The following PCMTD1 variants were observed in gnomAD, a reference collection of about 807,000 sequenced individuals.
PCMTD1 encodes the protein protein-L-isoaspartate O-methyltransferase domain-containing protein 1.
A neutral mutation model predicts 37.6 loss-of-function variants in PCMTD1; 12 were observed. That is an observed-to-expected ratio of 0.32 (90% CI 0.20 to 0.52). The LOEUF is 0.52. PCMTD1 is among the 20% of genes least tolerant of loss of function. The pLI, the probability that PCMTD1 is intolerant of heterozygous loss-of-function variation, is 0.97. For synonymous variants in PCMTD1, 117 were observed against 135.8 expected (o/e 0.86, Z 0.96); for missense variants, 235 against 421.3 (o/e 0.56, Z 3.87).
At position 51,831,556 on chromosome 8, in the gene PCMTD1, A is replaced by T. The variant is rs2037998528; in HGVS notation, c.594T>A (p.Ile198=). The part of the protein sequence containing the change: ...VMPIEDQLTQ[I]MRTGQNTWES... ...CCCAAGTGTTCTGTCCAGTTCGCAT[A>T]ATCTGTGTTAACTATTTAGAGAAAA... Residue 198 remains isoleucine (I), a synonymous_variant, in exon 5 of 6, where the codon ATT becomes ATA. Coordinates refer to ENST00000522514, the MANE Select transcript of PCMTD1 (RefSeq NM_052937.4). 1 of 1,611,800 alleles carries T rather than the reference A, an allele frequency of 6.2e-7. No homozygotes were observed. The highest frequency in any genetic ancestry group is 1.3e-5 in the African/African-American group (1 of 74,870).
At chr8:51,852,840 G>A (rs901681605) in intron 2 of PCMTD1, among the ~76,000 whole-genome samples, 1 of 152,176 alleles carries the variant, frequency 6.6e-6, no homozygotes, top group Non-Finnish European at 1.5e-5. Context: ...AAACAGAGGA[G>A]AAAGAAGAGA....
chr8:51,872,466 G>A (rs2038652644), intron 1 of PCMTD1, among the ~76,000 whole-genome samples: 1 of 152,118 alleles, frequency 6.6e-6, no homozygotes, highest in African/African-American at 2.4e-5. Flanking sequence ...GGGAACTGCA[G>A]CCTAGAAAAA....
chr8:51,833,496 A>C (rs2038025454), intron 4 of PCMTD1, 22 bp downstream of exon 4: 1 of 1,581,538 alleles, frequency 6.3e-7, no homozygotes, highest in African/African-American at 1.4e-5. Context: ...AGGCCACTAA[A>C]GAAAAGGAGA....
At chr8:51,844,337 T>C (rs10504129) in intron 3 of PCMTD1, among the ~76,000 whole-genome samples, 6,533 of 152,202 alleles carry the variant, frequency 0.043, 462 homozygotes, top group African/African-American at 0.14. Flanking sequence ...TACAGGATGG[T>C]GCTCAGTAAA....
intron 2 of PCMTD1, 107 bp from the exon 3 acceptor site, chr8:51,845,870 T>C (rs1392696271): frequency 6.1e-6 from 4 of 660,862 alleles, no homozygotes; most frequent in Non-Finnish European, 1.0e-5. Flanking sequence ...TAAAGATGGC[T>C]TGAAATATGC....
intron 1 of PCMTD1, among the ~76,000 whole-genome samples, chr8:51,882,637 G>A (rs1374804797): frequency 2.6e-5 from 4 of 152,038 alleles, no homozygotes; most frequent in African/African-American, 7.2e-5. Context: ...CTGCTAATGA[G>A]TAACTGAGTG....
intron 1 of PCMTD1, among the ~76,000 whole-genome samples, chr8:51,862,207 C>A (rs771190971): frequency 6.6e-6 from 1 of 152,150 alleles, no homozygotes; most frequent in African/African-American, 2.4e-5. Flanking sequence ...AAACACTGAA[C>A]ATAAAATGCA....
chr8:51,891,658 TAAAA>T (rs967672114), intron 1 of PCMTD1, among the ~76,000 whole-genome samples: 8 of 133,278 alleles, frequency 6.0e-5, no homozygotes, highest in Non-Finnish European at 3.2e-5. Flanking sequence ...TGCCACTAGT[TAAAA>T]AAAAAAACAA....
intron 1 of PCMTD1, among the ~76,000 whole-genome samples, chr8:51,875,960 GTC>G (rs566355247): frequency 0.13 from 15,062 of 113,814 alleles, 957 homozygotes; most frequent in Middle Eastern, 0.2. Flanking sequence ...GTGTGTGTGT[GTC>G]TGTGTGTGTG....
chr8:51,879,938 C>A (rs948442501), intron 1 of PCMTD1, among the ~76,000 whole-genome samples: 1 of 151,876 alleles, frequency 6.6e-6, no homozygotes, highest in African/African-American at 2.4e-5. Flanking sequence ...ATCCCAGAAC[C>A]TTGGAATGCC....
intron 1 of PCMTD1, among the ~76,000 whole-genome samples, chr8:51,878,246 T>TG (rs1465352121): frequency 6.0e-5 from 5 of 83,642 alleles, no homozygotes; most frequent in African/African-American, 8.0e-5. Context: ...AGATTTTTTT[T>TG]TTGGTTTTTT....
chr8:51,858,818 G>A (rs1234629712), intron 2 of PCMTD1, among the ~76,000 whole-genome samples: 1 of 152,136 alleles, frequency 6.6e-6, no homozygotes, highest in East Asian at 1.9e-4. Flanking sequence ...AAAGATCCAT[G>A]ACTCCCTACA....
chr8:51,860,661 G>T, intron 2 of PCMTD1, 184 bp downstream of exon 2: 1 of 552,922 alleles, frequency 1.8e-6, no homozygotes, highest in South Asian at 2.7e-5. Context: ...GTAGGTTGAG[G>T]TAAGGACTCG....
chr8:51,882,178 G>C lies in PCMTD1; in HGVS notation c.-96+16752C>G, dbSNP rs972126770. ...GAATCACTTTCTGGTAAGGCCTCTA[G>C]GCCTCTCTTCCTGGCTTGCCGATGG... On this transcript the variant is annotated intron_variant, in intron 1 of 5. Coordinates refer to ENST00000522514, the MANE Select transcript of PCMTD1 (RefSeq NM_052937.4). Among the ~76,000 whole-genome samples, 3 of 152,180 alleles carry C rather than the reference G, an allele frequency of 2.0e-5. No individual in the cohort carries two copies. In the South Asian group the frequency reaches 6.2e-4, roughly 31 times the overall value.
Position 51,831,399 on chromosome 8 carries a change from C to T in PCMTD1, c.706+45G>A, listed in dbSNP as rs116828041. The T allele has an allele frequency of 1.3e-4, 213 of 1,579,918 alleles. No homozygotes were observed. In the African/African-American group the frequency reaches 2.8e-3, roughly 21 times the overall value. On this transcript the variant is annotated intron_variant, in intron 5 of 5. Coordinates refer to ENST00000522514, the MANE Select transcript of PCMTD1 (RefSeq NM_052937.4). ...TTAAATCCCAAGCATAAAAGCCAAACACCATAAGTCATAATTCAATCAGAA... is the reference window on the plus strand; with the variant it reads ...TTAAATCCCAAGCATAAAAGCCAAATACCATAAGTCATAATTCAATCAGAA...
chr8:51,865,749 C>T (rs1032463293), intron 1 of PCMTD1, among the ~76,000 whole-genome samples: 4 of 151,398 alleles, frequency 2.6e-5, no homozygotes, highest in African/African-American at 9.7e-5. Context: ...AGGTTTTCCA[C>T]GATCAGGAAT....
At chr8:51,828,895 CA>C (rs1476458620) in intron 5 of PCMTD1, among the ~76,000 whole-genome samples, 9 of 152,168 alleles carry the variant, frequency 5.9e-5, no homozygotes, top group Non-Finnish European at 1.3e-4. Flanking sequence ...ATAAACATTT[CA>C]ACACAGTAAC....
chr8:51,820,737 C>T lies in PCMTD1; in HGVS notation c.707-19G>A, dbSNP rs368343725. The T allele has an allele frequency of 6.5e-5, 101 of 1,560,872 alleles. 1 individual carries two copies. The South Asian group carries it at 7.3e-4, about 11-fold the overall frequency. ...CAGGGAGCTAAAAACAAACATAAAA[C>T]GCAAGAAAGAAAATATTAACAATAA... On this transcript the variant is annotated intron_variant, in intron 5 of 5. Coordinates refer to ENST00000522514, the MANE Select transcript of PCMTD1 (RefSeq NM_052937.4).
At chr8:51,827,398 AT>A in intron 5 of PCMTD1, 1 of 628,518 alleles carries the variant, frequency 1.6e-6, no homozygotes, top group Non-Finnish European at 2.6e-6. Flanking sequence ...GAAATAAGCA[AT>A]TCATATGTTT....
Sources: allele counts gnomAD v4.1 joint callset (sites outside exome capture counted in the v4.1 genomes callset), GRCh38; gene constraint gnomAD v4.1.1; transcripts MANE v1.5; gene names NCBI Gene and HGNC (gene_info 2026-07-23, HGNC 2026-07-21).